Variants in SARNP observed in about 807,000 individuals in gnomAD.
The protein encoded by SARNP is SAP domain containing ribonucleoprotein, also known as SAP domain-containing ribonucleoprotein.
In SARNP, 5 loss-of-function variants were observed where a neutral mutation model predicts 38.1. The ratio of observed to expected loss-of-function variants is 0.13; its 90% CI spans 0.07 to 0.28. SARNP has a LOEUF of 0.28. SARNP is among the 10% of genes least tolerant of loss of function. The pLI is 1.00. For missense variants in SARNP, 180 were observed against 243.9 expected (o/e 0.74, Z 1.75); for synonymous variants, 84 against 80.6 (o/e 1.04, Z -0.23).
downstream of SARNP, chr12:55,756,601 T>C (rs942264090): frequency 1.3e-5 from 2 of 152,208 alleles, no homozygotes; most frequent in African/African-American, 2.4e-5. Flanking sequence ...ACCGAGCTTA[T>C]ATAAAGATTA....
At chr12:55,817,133 TCC>T (rs1237951864) in intron 1 of SARNP, among the ~76,000 whole-genome samples, 14 of 152,172 alleles carry the variant, frequency 9.2e-5, no homozygotes, top group Non-Finnish European at 1.9e-4. Context: ...GAGAGGCCTC[TCC>T]CTGTTTCAAA....
intron 10 of SARNP, 25 bp from the exon 11 acceptor site, chr12:55,757,578 AAAATT>A: frequency 1.3e-6 from 2 of 1,599,440 alleles, no homozygotes; most frequent in Non-Finnish European, 1.7e-6. Context: ...CAAGAAGAAA[AAAATT>A]AGACTGAAGA....
intron 7 of SARNP, chr12:55,793,111 G>C (rs980617422): frequency 1.3e-5 from 2 of 152,104 alleles, no homozygotes; most frequent in Non-Finnish European, 2.9e-5. Context: ...AGTGAAACCT[G>C]TCTCTACTAA....
chr12:55,774,211 C>A (rs979791063), intron 9 of SARNP, among the ~76,000 whole-genome samples: 7 of 151,894 alleles, frequency 4.6e-5, no homozygotes, highest in Admixed American at 3.9e-4. Context: ...CTATGCTGCA[C>A]AGGCTGGTCT....
At chr12:55,787,516 A>C (rs920481918) in intron 9 of SARNP, among the ~76,000 whole-genome samples, 4 of 152,158 alleles carry the variant, frequency 2.6e-5, no homozygotes, top group African/African-American at 9.6e-5. Context: ...GGCTCACTAC[A>C]ACCTCTGCCT....
rs568160723 is a variant in SARNP, at chr12:55,778,026, G to A, written c.501+11049C>T. ...GTGTGGGGGAAACTGGGAAGGGAGG[G>A]AGATGATGTATTTGTGTTACAGACA... On this transcript the variant is annotated intron_variant, in intron 9 of 10. Coordinates refer to ENST00000336133, the MANE Select transcript of SARNP (RefSeq NM_033082.4). 1.8e-4 allele frequency among the ~76,000 whole-genome samples: 28 copies of A among 152,290 alleles called. No individual in the cohort carries two copies. In the East Asian group the frequency reaches 5.2e-3, roughly 28 times the overall value.
chr12:55,809,406 T>C (rs1880257651), intron 1 of SARNP, among the ~76,000 whole-genome samples: 1 of 152,096 alleles, frequency 6.6e-6, no homozygotes, highest in South Asian at 2.1e-4. Flanking sequence ...ATCATGCCAC[T>C]GCACTCCAGC....
intron 1 of SARNP, among the ~76,000 whole-genome samples, chr12:55,807,832 A>AT (rs1054704777): frequency 4.7e-4 from 70 of 147,938 alleles, no homozygotes; most frequent in African/African-American, 1.5e-3. Context: ...AAAAAAAAAA[A>AT]TTTTTTTTAA....
Position 55,805,450 on chromosome 12 carries a change from G to A in SARNP, c.37-1722C>T, listed in dbSNP as rs538683911. ...TTTTAGGCCAGGGACAGTGGCTCAC[G>A]CCTGTTATCCCAGCACTCTGGGAGG... On this transcript the variant is annotated intron_variant, in intron 1 of 10. Coordinates refer to ENST00000336133, the MANE Select transcript of SARNP (RefSeq NM_033082.4). 7.9e-5 allele frequency among the ~76,000 whole-genome samples: 12 copies of A among 152,254 alleles called. No individual in the cohort carries two copies. In the East Asian group the frequency reaches 1.9e-3, roughly 25 times the overall value.
At position 55,757,571 on chromosome 12, in the gene SARNP, G is replaced by C. The variant is rs145539386; in HGVS notation, c.592-18C>G. ...TTCTTTGCCTGTAAAGAAGAAGCAAGAAGAAAAAAATTAGACTGAAGACAA... is the reference window on the plus strand; with the variant it reads ...TTCTTTGCCTGTAAAGAAGAAGCAACAAGAAAAAAATTAGACTGAAGACAA... On this transcript the variant is annotated intron_variant, in intron 10 of 10. Transcript: ENST00000336133. 2.5e-6 allele frequency: 4 copies of C among 1,601,780 alleles called. No homozygotes were observed. The highest frequency in any genetic ancestry group is 2.6e-6 in the Non-Finnish European group (3 of 1,176,234).
intron 9 of SARNP, among the ~76,000 whole-genome samples, chr12:55,764,901 A>G (rs1878784513): frequency 6.6e-6 from 1 of 152,146 alleles, no homozygotes; most frequent in African/African-American, 2.4e-5. Context: ...TTTACTAACA[A>G]AGTCAAGGGG....
At chr12:55,804,843 C>G (rs1336737856) in intron 1 of SARNP, among the ~76,000 whole-genome samples, 2 of 152,132 alleles carry the variant, frequency 1.3e-5, no homozygotes, top group Non-Finnish European at 2.9e-5. Flanking sequence ...GATCTATGAC[C>G]AATCAGTAGA....
At chr12:55,771,014 T>A (rs535585465) in intron 9 of SARNP, among the ~76,000 whole-genome samples, 1 of 151,756 alleles carries the variant, frequency 6.6e-6, no homozygotes, top group East Asian at 2.0e-4. Flanking sequence ...CTCGGCTCAC[T>A]GCAACCTCTC....
At chr12:55,812,553 A>T (rs537583374) in intron 1 of SARNP, among the ~76,000 whole-genome samples, 1 of 152,302 alleles carries the variant, frequency 6.6e-6, no homozygotes, top group South Asian at 2.1e-4. Flanking sequence ...CACATTTCCA[A>T]CTGACTACCT....
intron 1 of SARNP, among the ~76,000 whole-genome samples, chr12:55,814,133 G>C (rs893731847): frequency 6.6e-6 from 1 of 152,174 alleles, no homozygotes; most frequent in Non-Finnish European, 1.5e-5. Context: ...GACGGGCAGG[G>C]ATATAATTTA....
At chr12:55,810,829 C>T (rs1880305767) in intron 1 of SARNP, among the ~76,000 whole-genome samples, 1 of 151,604 alleles carries the variant, frequency 6.6e-6, no homozygotes, top group Admixed American at 6.6e-5. Flanking sequence ...GTAATCCCAA[C>T]ACTTTGGGAG....
chr12:55,782,697 C>T (rs951346761), intron 9 of SARNP, among the ~76,000 whole-genome samples: 3 of 152,106 alleles, frequency 2.0e-5, no homozygotes, highest in Non-Finnish European at 4.4e-5. Flanking sequence ...AGCAATCCTC[C>T]CACCTCAGTC....
intron 9 of SARNP, among the ~76,000 whole-genome samples, chr12:55,784,089 A>G (rs1382488962): frequency 6.6e-6 from 1 of 152,076 alleles, no homozygotes; most frequent in Non-Finnish European, 1.5e-5. Flanking sequence ...TCAAGCAGAC[A>G]ACAGAGATGA....
intron 1 of SARNP, among the ~76,000 whole-genome samples, chr12:55,813,795 C>T (rs756242374): frequency 3.3e-5 from 5 of 152,008 alleles, no homozygotes; most frequent in Non-Finnish European, 5.9e-5. Context: ...CCGCCTGCCT[C>T]GGCCTCCCAA....
Sources: gnomAD v4.1 joint callset for allele counts (sites outside exome capture counted in the v4.1 genomes callset) on GRCh38, gnomAD v4.1.1 for gene constraint, MANE v1.5 for transcripts, NCBI Gene and HGNC (gene_info 2026-07-23, HGNC 2026-07-21) for gene names.